Variants in CSMD2 observed in about 807,000 individuals in gnomAD.
CSMD2 encodes CUB and Sushi multiple domains 2.
A neutral mutation model predicts 398.5 loss-of-function variants in CSMD2; 130 were observed. The ratio of observed to expected loss-of-function variants is 0.33; its 90% CI spans 0.28 to 0.38. CSMD2 has a LOEUF of 0.38. Ranked by LOEUF, CSMD2 falls within the 10% of genes least tolerant of loss-of-function variation. The pLI is 1.00. For synonymous variants in CSMD2, 1,828 were observed against 1,908.5 expected (o/e 0.96, Z 1.10); for missense variants, 3,829 against 4,764.9 (o/e 0.80, Z 5.78).
At chr1:33,674,048 CA>C (rs1369544087) in intron 25 of CSMD2, among the ~76,000 whole-genome samples, 2 of 152,188 alleles carry the variant, frequency 1.3e-5, no homozygotes, top group Non-Finnish European at 2.9e-5. Context: ...GAAACTGCAT[CA>C]ACTAACGAGC....
chr1:33,688,211 A>T (rs1484486867), intron 25 of CSMD2, among the ~76,000 whole-genome samples: 1 of 152,236 alleles, frequency 6.6e-6, no homozygotes, highest in Non-Finnish European at 1.5e-5. Flanking sequence ...TGGTACATAC[A>T]ATAGAATTCT....
intron 20 of CSMD2, 140 bp downstream of exon 20, chr1:33,716,146 G>A: frequency 1.5e-6 from 1 of 678,358 alleles, no homozygotes; most frequent in Non-Finnish European, 2.5e-6. Flanking sequence ...AGCATCTTTT[G>A]CTGAAGCACT....
At chr1:33,652,223 A>G in intron 28 of CSMD2, 100 bp downstream of exon 28, 2 of 1,231,362 alleles carry the variant, frequency 1.6e-6, no homozygotes, top group Non-Finnish European at 2.3e-6. Flanking sequence ...GGAGCTGAGA[A>G]CTCTGCTACA....
intron 32 of CSMD2, among the ~76,000 whole-genome samples, chr1:33,629,730 T>C (rs1642349873): frequency 1.3e-5 from 2 of 150,390 alleles, no homozygotes; most frequent in African/African-American, 2.4e-5. Flanking sequence ...TATACTGATA[T>C]TGATATCTAC....
intron 4 of CSMD2, among the ~76,000 whole-genome samples, chr1:33,927,347 T>C (rs1446130390): frequency 6.6e-6 from 1 of 152,192 alleles, no homozygotes; most frequent in East Asian, 1.9e-4. Context: ...CTCCTATAGT[T>C]ACAGCCACCT....
chr1:33,873,583 G>A (rs1473666883), intron 5 of CSMD2: 1 of 152,170 alleles, frequency 6.6e-6, no homozygotes, highest in Non-Finnish European at 1.5e-5. Flanking sequence ...AAGAACTGAG[G>A]GCTGTCTCTG....
intron 13 of CSMD2, among the ~76,000 whole-genome samples, chr1:33,749,092 C>CTTTTTTTTT (rs72469561): frequency 4.6e-5 from 4 of 87,792 alleles, no homozygotes; most frequent in Non-Finnish European, 8.2e-5. Flanking sequence ...ATACAGACTT[C>CTTTTTTTTT]TTTTTTTTTT....
chr1:33,549,693 G>C (rs554189523), intron 56 of CSMD2, among the ~76,000 whole-genome samples: 5 of 152,302 alleles, frequency 3.3e-5, no homozygotes, highest in African/African-American at 1.2e-4. Flanking sequence ...GACAAGTTGA[G>C]GGGCAGTGAT....
intron 3 of CSMD2, among the ~76,000 whole-genome samples, chr1:34,031,089 CT>C (rs879272380): frequency 0.016 from 2,243 of 142,006 alleles, 57 homozygotes; most frequent in East Asian, 0.086. Flanking sequence ...TTGGTAGGAA[CT>C]TTTTTTTTTT....
intron 2 of CSMD2, among the ~76,000 whole-genome samples, chr1:34,086,190 A>G (rs1309158289): frequency 1.3e-5 from 2 of 152,146 alleles, no homozygotes; most frequent in Non-Finnish European, 2.9e-5. Flanking sequence ...CATTGGTTTG[A>G]CCTGACTTTC....
intron 2 of CSMD2, among the ~76,000 whole-genome samples, chr1:34,052,820 G>T (rs556281964): frequency 6.6e-6 from 1 of 152,082 alleles, no homozygotes; most frequent in East Asian, 1.9e-4. Context: ...TAAGTGTTTC[G>T]AGAAGAATTA....
At chr1:33,778,697 C>T (rs1285343924) in intron 12 of CSMD2, among the ~76,000 whole-genome samples, 3 of 152,204 alleles carry the variant, frequency 2.0e-5, no homozygotes, top group South Asian at 2.1e-4. Flanking sequence ...ACGGCCCCTG[C>T]CCCTGGAGAA....
At chr1:34,032,511 G>C in intron 3 of CSMD2, 83 bp downstream of exon 3, 1 of 864,912 alleles carries the variant, frequency 1.2e-6, no homozygotes, top group South Asian at 1.9e-5. Context: ...ACACTTCCCT[G>C]CATCTGTGAG....
intron 1 of CSMD2, among the ~76,000 whole-genome samples, chr1:34,149,371 C>T (rs1190008682): frequency 1.3e-5 from 2 of 152,146 alleles, no homozygotes; most frequent in Non-Finnish European, 2.9e-5. Flanking sequence ...GGCTGGCTGG[C>T]CTCACCTCAG....
chr1:33,704,000 T>C (rs1228668551), intron 22 of CSMD2, among the ~76,000 whole-genome samples: 2 of 152,244 alleles, frequency 1.3e-5, no homozygotes, highest in East Asian at 3.8e-4. Flanking sequence ...TCATACCCTC[T>C]GTGCATCCAT....
intron 10 of CSMD2, among the ~76,000 whole-genome samples, chr1:33,796,209 T>C (rs1654930609): frequency 6.6e-6 from 1 of 152,220 alleles, no homozygotes; most frequent in Non-Finnish European, 1.5e-5. Context: ...CTTATGCGAT[T>C]TCATCACTCC....
chr1:34,041,563 G>C (rs1284905533), intron 2 of CSMD2, among the ~76,000 whole-genome samples: 1 of 152,188 alleles, frequency 6.6e-6, no homozygotes, highest in Non-Finnish European at 1.5e-5. Flanking sequence ...AGAACTTCAA[G>C]GCTCTCAAGC....
rs60293202 is a variant in CSMD2, at chr1:33,993,572, C to T, written c.517+39022G>A. 3.7e-3 allele frequency among the ~76,000 whole-genome samples: 560 copies of T among 152,286 alleles called. 6 individuals are homozygous for T. Among genetic ancestry groups the T allele is most frequent in the Middle Eastern group, 0.014 (4 of 294 alleles). ...CCTCAGCCAGCCTCTCCCTCTCTCT[C>T]TCGTCACTTCTTTTTTCCTTTGCTA... On this transcript the variant is annotated intron_variant, in intron 3 of 70. Coordinates refer to ENST00000373381, the MANE Select transcript of CSMD2 (RefSeq NM_001281956.2).
intron 40 of CSMD2, among the ~76,000 whole-genome samples, chr1:33,612,960 C>T (rs1260972575): frequency 6.6e-6 from 1 of 152,238 alleles, no homozygotes; most frequent in Non-Finnish European, 1.5e-5. Context: ...GGCATCGTCC[C>T]CTCATATAGG....
Sources: gnomAD v4.1 joint callset for allele counts (sites outside exome capture counted in the v4.1 genomes callset) on GRCh38, gnomAD v4.1.1 for gene constraint, MANE v1.5 for transcripts, NCBI Gene and HGNC (gene_info 2026-07-23, HGNC 2026-07-21) for gene names.